Variants in RTL4 observed in about 807,000 individuals in gnomAD.
RTL4 encodes retrotransposon Gag like 4, also known as retrotransposon Gag-like protein 4.
Under a neutral mutation model 5.3 loss-of-function variants are expected in RTL4, and 4 were observed. The ratio of observed to expected loss-of-function variants is 0.75; its 90% confidence interval spans 0.37 to 1.72. RTL4 has a LOEUF of 1.72. Among genes scored for constraint, RTL4 ranks in the 40% most tolerant of loss-of-function variants. The probability of loss-of-function intolerance (pLI) is 0.04; values close to 1 mark genes in which losing one functional copy is unlikely to be tolerated. For missense variants in RTL4, 260 were observed against 227.1 expected, an observed-to-expected ratio of 1.14 and a Z score of -0.93; for synonymous variants, 98 against 87.3, an observed-to-expected ratio of 1.12 and a Z score of -0.68.
the RTL4 span, among the ~76,000 whole-genome samples, chrX:112,331,314 A>G: frequency 6.5e-5 from 7 of 107,191 alleles, no homozygotes; most frequent in Non-Finnish European, 7.7e-5. Context: ...TTTACAAGAA[A>G]AAAACAAACA....
At chrX:112,308,072 T>C in the RTL4 span, among the ~76,000 whole-genome samples, 1 of 111,709 alleles carries the variant, frequency 9.0e-6, no homozygotes, top group Admixed American at 9.6e-5. Flanking sequence ...AAGTTGGTGT[T>C]AAGAGTGCTT....
the RTL4 span, among the ~76,000 whole-genome samples, chrX:112,183,862 C>T: frequency 2.4e-3 from 270 of 111,710 alleles, 1 homozygote; most frequent in African/African-American, 8.5e-3. Context: ...TTTTCTTAAT[C>T]CAGTCTATCA....
chrX:112,381,402 T>C, the RTL4 span: 1 of 1,207,408 alleles, frequency 8.3e-7, no homozygotes, highest in Non-Finnish European at 1.1e-6. Flanking sequence ...ATGACGGATC[T>C]GAACAAGCAT....
chrX:112,133,902 C>T, the RTL4 span, among the ~76,000 whole-genome samples: 1 of 111,792 alleles, frequency 8.9e-6, no homozygotes, highest in Non-Finnish European at 1.9e-5. Context: ...ACCTAGCTTT[C>T]CCATTCTGCT....
At chrX:112,386,725 G>C in the RTL4 span, among the ~76,000 whole-genome samples, 3 of 111,721 alleles carry the variant, frequency 2.7e-5, no homozygotes, top group African/African-American at 9.8e-5. Flanking sequence ...CATCATATAT[G>C]TATGCCACAA....
the RTL4 span, among the ~76,000 whole-genome samples, chrX:112,328,922 G>A: frequency 1.3e-4 from 14 of 111,706 alleles, no homozygotes; most frequent in South Asian, 3.7e-4. Context: ...GGTACATAAC[G>A]AAATGAAGGC....
chrX:112,298,520 C>T, the RTL4 span, among the ~76,000 whole-genome samples: 1 of 112,254 alleles, frequency 8.9e-6, no homozygotes, highest in Non-Finnish European at 1.9e-5. Context: ...TTAGGGTCCT[C>T]GGGTTCTTAT....
the RTL4 span, among the ~76,000 whole-genome samples, chrX:112,206,643 A>G: frequency 9.1e-6 from 1 of 110,157 alleles, no homozygotes; most frequent in Admixed American, 9.8e-5. Context: ...CTCCATCTAC[A>G]CTCATTACAT....
the RTL4 span, among the ~76,000 whole-genome samples, chrX:112,086,053 GA>G: frequency 9.0e-6 from 1 of 111,723 alleles, no homozygotes; most frequent in Non-Finnish European, 1.9e-5. Flanking sequence ...TCCCCAAGGG[GA>G]AAGGGTTACT....
At chrX:112,234,665 T>C in the RTL4 span, among the ~76,000 whole-genome samples, 1 of 112,055 alleles carries the variant, frequency 8.9e-6, no homozygotes, top group South Asian at 3.7e-4. Context: ...CCTCTGTCTT[T>C]GCCAGAGCAA....
chrX:112,305,099 A>C, the RTL4 span, among the ~76,000 whole-genome samples: 1 of 110,175 alleles, frequency 9.1e-6, no homozygotes, highest in East Asian at 2.9e-4. Flanking sequence ...ATGCAAGCAA[A>C]TGACTGAACT....
chrX:112,252,799 T>G, the RTL4 span, among the ~76,000 whole-genome samples: 1 of 111,102 alleles, frequency 9.0e-6, no homozygotes, highest in Non-Finnish European at 1.9e-5. Flanking sequence ...CTGAAAAACA[T>G]AGAACCACAG....
chrX:112,355,680 G>A, the RTL4 span, among the ~76,000 whole-genome samples: 22 of 111,008 alleles, frequency 2.0e-4, no homozygotes, highest in African/African-American at 5.9e-4. Context: ...TTTTGTCTGC[G>A]CTGGGGTGGG....
At chrX:112,146,252 AAGAG>A in the RTL4 span, among the ~76,000 whole-genome samples, 48 of 111,282 alleles carry the variant, frequency 4.3e-4, 1 homozygote, top group Non-Finnish European at 7.5e-4. Context: ...GGATGGAAGG[AAGAG>A]AGAAAGGTGC....
At chrX:112,093,899 A>T in the RTL4 span, among the ~76,000 whole-genome samples, 1 of 111,850 alleles carries the variant, frequency 8.9e-6, no homozygotes, top group African/African-American at 3.2e-5. Context: ...TGCCACATAG[A>T]TTCTACAGAG....
chrX:112,362,376 G>T, the RTL4 span, among the ~76,000 whole-genome samples: 2 of 111,891 alleles, frequency 1.8e-5, no homozygotes, highest in African/African-American at 6.5e-5. Flanking sequence ...TAAACACTAT[G>T]AAGAAAAGAC....
the RTL4 span, among the ~76,000 whole-genome samples, chrX:112,138,194 A>T: frequency 8.9e-6 from 1 of 112,431 alleles, no homozygotes; most frequent in African/African-American, 3.2e-5. Flanking sequence ...TTTTTAAAAT[A>T]GTCAAACTCA....
the RTL4 span, among the ~76,000 whole-genome samples, chrX:112,195,956 G>C: frequency 3.5e-4 from 39 of 111,460 alleles, no homozygotes; most frequent in East Asian, 2.8e-4. Context: ...ATTTACATAT[G>C]ATTACCAGAA....
At chrX:112,375,175 G>A in the RTL4 span, among the ~76,000 whole-genome samples, 6 of 111,000 alleles carry the variant, frequency 5.4e-5, no homozygotes, top group Non-Finnish European at 7.5e-5. Context: ...GTCTGCATGA[G>A]ACAGTTGCGC....
Sources: allele counts gnomAD v4.1 joint callset (sites outside exome capture counted in the v4.1 genomes callset), GRCh38; gene constraint gnomAD v4.1.1; transcripts MANE v1.5; gene names NCBI Gene and HGNC (gene_info 2026-07-23, HGNC 2026-07-21).